BICRAL: variants seen among roughly 807,000 people sequenced by gnomAD.
BICRAL encodes the protein BICRA like chromatin remodeling complex associated protein, also known as BRD4-interacting chromatin-remodeling complex-associated protein-like.
BICRAL carries 8 observed loss-of-function variants against 91.8 expected under a neutral mutation model. The ratio of observed to expected loss-of-function variants is 0.09; its 90% CI spans 0.05 to 0.16. BICRAL has a LOEUF of 0.16. Ranked by LOEUF, BICRAL falls within the 10% of genes least tolerant of loss-of-function variation. The pLI is 1.00. For missense variants in BICRAL, 1,038 were observed against 1,310.9 expected, an observed-to-expected ratio of 0.79 and a Z score of 3.21; for synonymous variants, 445 against 491.1, an observed-to-expected ratio of 0.91 and a Z score of 1.24.
At chr6:42,850,751 G>A (rs985370970) in intron 6 of BICRAL, among the ~76,000 whole-genome samples, 1 of 151,840 alleles carries the variant, frequency 6.6e-6, no homozygotes, top group Non-Finnish European at 1.5e-5. Flanking sequence ...AGGCATGGTG[G>A]CACACTATTT....
At chr6:42,794,422 TGTGTGTGTGTGTG>T (rs1300618345) in intron 1 of BICRAL, among the ~76,000 whole-genome samples, 17 of 44,452 alleles carry the variant, frequency 3.8e-4, no homozygotes, top group Non-Finnish European at 5.9e-4. Flanking sequence ...TGTGTGTGTG[TGTGTGTGTGTGTG>T]TGTGTGTGTG....
chr6:42,823,902 C>T (rs890520413), intron 5 of BICRAL, among the ~76,000 whole-genome samples: 53 of 151,778 alleles, frequency 3.5e-4, no homozygotes, highest in Middle Eastern at 3.4e-3. Context: ...CCAGCCTGGG[C>T]GACAGAGCGA....
intron 9 of BICRAL, 114 bp from the exon 10 acceptor site, chr6:42,856,977 A>G (rs1765378716): frequency 1.1e-6 from 1 of 881,380 alleles, no homozygotes. Context: ...TATAAAACTA[A>G]AAAACTGCCG....
intron 6 of BICRAL, among the ~76,000 whole-genome samples, chr6:42,836,086 T>C (rs971056941): frequency 9.9e-5 from 15 of 152,236 alleles, no homozygotes; most frequent in Non-Finnish European, 1.6e-4. Context: ...CCCCCAGAGC[T>C]ATCCTCTGCA....
chr6:42,828,506 A>C lies in BICRAL; in HGVS notation c.173A>C (p.Lys58Thr). 1 of 1,612,056 alleles carries C rather than the reference A, an allele frequency of 6.2e-7. No homozygotes were observed. Among genetic ancestry groups the C allele is most frequent in the South Asian group, 1.1e-5 (1 of 90,802 alleles). ...TTATTTTTTTAGAATGCTGATCCTA[A>C]GTCATCCCTCAAAGGTGTAAGCAAC... Reference protein sequence around the residue: ...IFANSSNADPKSSLKGVSNQL... With the variant: ...IFANSSNADPTSSLKGVSNQL... The change falls in exon 6 of 13, where the codon AAG becomes ACG. Residue 58 changes from lysine to threonine, a missense_variant. Physicochemically the swap from Lys to Thr is moderately conservative, Grantham distance 78 (BLOSUM62 -1). Coordinates refer to ENST00000314073, the MANE Select transcript of BICRAL (RefSeq NM_001393499.1).
chr6:42,862,661 G>T, intron 12 of BICRAL, 49 bp downstream of exon 12: 3 of 1,063,330 alleles, frequency 2.8e-6, no homozygotes, highest in South Asian at 1.3e-5. Context: ...CCATGGTTCA[G>T]GGACCATGGG....
intron 1 of BICRAL, among the ~76,000 whole-genome samples, chr6:42,755,590 C>T (rs1382701577): frequency 6.6e-6 from 1 of 152,132 alleles, no homozygotes; most frequent in Non-Finnish European, 1.5e-5. Flanking sequence ...CTCTCCTTCT[C>T]ACTCAGGGCA....
chr6:42,863,848 T>C (rs958625466), intron 12 of BICRAL, among the ~76,000 whole-genome samples: 2 of 151,834 alleles, frequency 1.3e-5, no homozygotes, highest in South Asian at 4.1e-4. Flanking sequence ...ACCAACATGG[T>C]GAAACCCCGT....
At chr6:42,812,655 G>T (rs1763873169) in intron 2 of BICRAL, among the ~76,000 whole-genome samples, 1 of 152,108 alleles carries the variant, frequency 6.6e-6, no homozygotes, top group Non-Finnish European at 1.5e-5. Context: ...ATTAACAGAA[G>T]ATTAGAGACT....
intron 1 of BICRAL, among the ~76,000 whole-genome samples, chr6:42,776,785 TA>T (rs1031729292): frequency 6.6e-6 from 1 of 152,164 alleles, no homozygotes; most frequent in Non-Finnish European, 1.5e-5. Context: ...ATCACGTGGC[TA>T]AAAAATGGCA....
chr6:42,818,397 G>A (rs1339807035), intron 2 of BICRAL, among the ~76,000 whole-genome samples: 1 of 151,920 alleles, frequency 6.6e-6, no homozygotes, highest in African/African-American at 2.4e-5. Context: ...TATGTATTAG[G>A]GAGAAAAGCC....
chr6:42,819,633 T>G (rs1410091839), intron 2 of BICRAL, among the ~76,000 whole-genome samples: 1 of 152,230 alleles, frequency 6.6e-6, no homozygotes, highest in Non-Finnish European at 1.5e-5. Flanking sequence ...TTTGCTCTGG[T>G]AAATTTACTT....
chr6:42,795,564 C>T (rs1189657821), intron 1 of BICRAL, among the ~76,000 whole-genome samples: 4 of 152,132 alleles, frequency 2.6e-5, no homozygotes, highest in African/African-American at 9.7e-5. Context: ...TTTCAAATTA[C>T]CTTACTATCA....
intron 1 of BICRAL, among the ~76,000 whole-genome samples, chr6:42,759,981 A>C (rs1762521073): frequency 6.6e-6 from 1 of 152,314 alleles, no homozygotes; most frequent in East Asian, 1.9e-4. Context: ...GTGGTGGCTT[A>C]ACCCTGTAAT....
intron 1 of BICRAL, among the ~76,000 whole-genome samples, chr6:42,790,211 G>A (rs1763229620): frequency 6.6e-6 from 1 of 152,190 alleles, no homozygotes; most frequent in Middle Eastern, 3.4e-3. Flanking sequence ...AGCCTGGAGT[G>A]CAGTGGTACA....
intron 1 of BICRAL, among the ~76,000 whole-genome samples, chr6:42,798,453 T>C (rs2113893596): frequency 6.6e-6 from 1 of 152,284 alleles, no homozygotes; most frequent in South Asian, 2.1e-4. Context: ...TCCCAGTACT[T>C]TGGTAGCCCA....
Position 42,815,557 on chromosome 6 carries a change from A to T in BICRAL, c.-6+5156A>T, listed in dbSNP as rs182677756. Among the ~76,000 whole-genome samples, 63 of 152,306 alleles carry T rather than the reference A, an allele frequency of 4.1e-4. 1 individual carries two copies. Among genetic ancestry groups the T allele is most frequent in the Admixed American group, 1.2e-3 (19 of 15,282 alleles). On this transcript the variant is annotated intron_variant, in intron 2 of 12. Transcript: ENST00000314073. The stretch of plus-strand genomic sequence containing the variant: ...GTTTCCTGAAATATCTGTTCTTGCA[A>T]CCAATTATGTTTCTTCATGAGAGCT...
At chr6:42,835,390 A>G (rs897154962) in intron 6 of BICRAL, among the ~76,000 whole-genome samples, 2 of 152,026 alleles carry the variant, frequency 1.3e-5, no homozygotes, top group African/African-American at 4.8e-5. Flanking sequence ...CAGCCTCCCA[A>G]AGTGCTGGGA....
rs114240456 is a variant in BICRAL, at chr6:42,802,877, G to A, written c.-101-7429G>A. 3.8e-3 allele frequency among the ~76,000 whole-genome samples: 585 copies of A among 152,154 alleles called. 1 individual carries two copies. The highest frequency in any genetic ancestry group is 5.9e-3 in the Non-Finnish European group (400 of 68,008). ...ATTACAGGTGTGAGCCACCACACCC[G>A]GCTCCTCATTTCTCAATCATTTCCT... is the stretch of plus-strand genomic sequence containing the variant. On this transcript the variant is annotated intron_variant, in intron 1 of 12. Transcript: ENST00000314073.
Sources: allele counts gnomAD v4.1 joint callset (sites outside exome capture counted in the v4.1 genomes callset), GRCh38; gene constraint gnomAD v4.1.1; transcripts MANE v1.5; gene names NCBI Gene and HGNC (gene_info 2026-07-23, HGNC 2026-07-21).